FBXL17: variants seen among roughly 807,000 people sequenced by gnomAD.
FBXL17 encodes F-box/LRR-repeat protein 17.
Under a neutral mutation model 66.2 loss-of-function variants are expected in FBXL17, and 22 were observed. The ratio of observed to expected loss-of-function variants is 0.33; its 90% confidence interval spans 0.24 to 0.47. The LOEUF (loss-of-function observed/expected upper bound fraction) is 0.47. Ranked by LOEUF, FBXL17 falls within the 20% of genes least tolerant of loss-of-function variation. FBXL17 has a pLI of 1.00. For missense variants in FBXL17, 878 were observed against 948.2 expected (o/e 0.93, Z 0.97); for synonymous variants, 474 against 400.5 (o/e 1.18, Z -2.19).
At chr5:107,902,123 T>C (rs929650352) in intron 7 of FBXL17, among the ~76,000 whole-genome samples, 1 of 152,190 alleles carries the variant, frequency 6.6e-6, no homozygotes, top group Non-Finnish European at 1.5e-5. Context: ...CCCATGGAGT[T>C]TGGAATCTCT....
intron 1 of FBXL17, among the ~76,000 whole-genome samples, chr5:108,378,166 T>C (rs571079892): frequency 1.4e-4 from 21 of 152,212 alleles, no homozygotes; most frequent in African/African-American, 4.6e-4. Context: ...CTTGTTGATA[T>C]TGAGCCAAAA....
intron 7 of FBXL17, among the ~76,000 whole-genome samples, chr5:107,882,752 A>C (rs180711660): frequency 1.2e-4 from 18 of 152,328 alleles, no homozygotes; most frequent in Non-Finnish European, 2.1e-4. Flanking sequence ...TGCTAAGAAA[A>C]ATGAAGTAGG....
intron 7 of FBXL17, among the ~76,000 whole-genome samples, chr5:107,963,397 A>C (rs1751994445): frequency 6.6e-6 from 1 of 152,190 alleles, no homozygotes; most frequent in African/African-American, 2.4e-5. Flanking sequence ...AAGTCCTATA[A>C]AATAAATGTA....
chr5:108,181,427 C>T (rs1008603871), intron 6 of FBXL17, among the ~76,000 whole-genome samples: 3 of 152,124 alleles, frequency 2.0e-5, no homozygotes, highest in Non-Finnish European at 4.4e-5. Flanking sequence ...GTTTAACTCT[C>T]TAAACACAAA....
intron 4 of FBXL17, among the ~76,000 whole-genome samples, chr5:108,248,781 G>A (rs908739790): frequency 9.2e-5 from 14 of 152,054 alleles, no homozygotes; most frequent in African/African-American, 3.1e-4. Context: ...AAGCCAGATG[G>A]AAGTAGGGCA....
intron 4 of FBXL17, among the ~76,000 whole-genome samples, chr5:108,304,650 A>G (rs1332162925): frequency 6.6e-6 from 1 of 152,038 alleles, no homozygotes; most frequent in African/African-American, 2.4e-5. Context: ...AAATAAACTG[A>G]AATGAAATTC....
chr5:108,298,407 T>C (rs1758437789), intron 4 of FBXL17: 4 of 979,480 alleles, frequency 4.1e-6, no homozygotes, highest in Non-Finnish European at 3.6e-6. Flanking sequence ...GATCAATAAA[T>C]CAAGACAATC....
chr5:108,200,964 T>C (rs1403015498), intron 5 of FBXL17, among the ~76,000 whole-genome samples: 2 of 152,126 alleles, frequency 1.3e-5, no homozygotes, highest in African/African-American at 4.8e-5. Flanking sequence ...ATCCCAAAAT[T>C]ATTAGAGAAA....
chr5:108,197,338 G>T (rs973629663), intron 5 of FBXL17, among the ~76,000 whole-genome samples: 6 of 152,136 alleles, frequency 3.9e-5, no homozygotes, highest in African/African-American at 1.4e-4. Context: ...AAATGTGAAT[G>T]CAAGCAAGAA....
chr5:108,246,044 G>A (rs1302694291), intron 4 of FBXL17, among the ~76,000 whole-genome samples: 2 of 152,152 alleles, frequency 1.3e-5, no homozygotes, highest in Non-Finnish European at 2.9e-5. Flanking sequence ...CTCCCACACA[G>A]TTTCTTCAGT....
At chr5:107,881,573 G>T (rs148887985) in intron 7 of FBXL17, among the ~76,000 whole-genome samples, 1 of 151,924 alleles carries the variant, frequency 6.6e-6, no homozygotes, top group Non-Finnish European at 1.5e-5. Flanking sequence ...AAGAACCCAC[G>T]TAAACACCAT....
At chr5:108,121,052 G>A (rs555799568) in intron 6 of FBXL17, among the ~76,000 whole-genome samples, 15 of 152,086 alleles carry the variant, frequency 9.9e-5, no homozygotes, top group South Asian at 6.2e-4. Flanking sequence ...CTTTTTGGCC[G>A]AGTGCGGTGG....
intron 4 of FBXL17, among the ~76,000 whole-genome samples, chr5:108,283,831 C>T (rs1431989712): frequency 6.6e-6 from 1 of 151,040 alleles, no homozygotes; most frequent in Non-Finnish European, 1.5e-5. Context: ...AAACAGCTCA[C>T]CAACAACCAA....
intron 3 of FBXL17, among the ~76,000 whole-genome samples, chr5:108,349,180 A>G (rs568954171): frequency 3.3e-4 from 51 of 152,332 alleles, no homozygotes; most frequent in Admixed American, 8.5e-4. Context: ...ATAAAACTGA[A>G]TATTATACAA....
intron 5 of FBXL17, among the ~76,000 whole-genome samples, chr5:108,203,780 G>C (rs1485356824): frequency 6.6e-6 from 1 of 152,084 alleles, no homozygotes; most frequent in Admixed American, 6.6e-5. Context: ...TAAAAGGCAA[G>C]AAAGTTAATT....
chr5:107,974,622 T>G (rs1262225933), intron 7 of FBXL17, among the ~76,000 whole-genome samples: 3 of 152,104 alleles, frequency 2.0e-5, no homozygotes, highest in Non-Finnish European at 2.9e-5. Context: ...ATCAACAATA[T>G]TTATTGACTG....
chr5:108,144,519 C>G (rs1751482927), intron 6 of FBXL17, among the ~76,000 whole-genome samples: 1 of 152,104 alleles, frequency 6.6e-6, no homozygotes, highest in Non-Finnish European at 1.5e-5. Flanking sequence ...TGGCTACTTG[C>G]CAAGGGTAGA....
chr5:108,307,194 A>G (rs1758885412), intron 4 of FBXL17, among the ~76,000 whole-genome samples: 1 of 152,180 alleles, frequency 6.6e-6, no homozygotes, highest in South Asian at 2.1e-4. Context: ...CCTTAAGAAG[A>G]CATTTTTGAA....
At chr5:108,125,107 T>C (rs1750646186) in intron 6 of FBXL17, among the ~76,000 whole-genome samples, 1 of 151,940 alleles carries the variant, frequency 6.6e-6, no homozygotes, top group African/African-American at 2.4e-5. Flanking sequence ...TACAAAATTC[T>C]GTATTTTATT....
Sources: allele counts gnomAD v4.1 joint callset (sites outside exome capture counted in the v4.1 genomes callset), GRCh38; gene constraint gnomAD v4.1.1; transcripts MANE v1.5; gene names NCBI Gene and HGNC (gene_info 2026-07-23, HGNC 2026-07-21).